Variants in EFR3B observed in about 807,000 individuals in gnomAD.
EFR3B encodes protein EFR3 homolog B.
EFR3B carries 64 observed loss-of-function variants against 104.7 expected under a neutral mutation model. The ratio of observed to expected loss-of-function variants is 0.61; its 90% CI spans 0.50 to 0.75. EFR3B has a LOEUF of 0.75. Ranked by LOEUF, EFR3B falls within the 30% of genes least tolerant of loss-of-function variation. The probability of loss-of-function intolerance (pLI) is 0.00; values close to 1 mark genes in which losing one functional copy is unlikely to be tolerated. For synonymous variants in EFR3B, 385 were observed against 417.9 expected (o/e 0.92, Z 0.96); for missense variants, 750 against 1,078.5 (o/e 0.70, Z 4.27).
At position 25,135,606 on chromosome 2, in the gene EFR3B, G is replaced by A. The variant is rs1157702710; in HGVS notation, c.1451G>A (p.Arg484His). The A allele has an allele frequency of 4.5e-6, 7 of 1,551,710 alleles. No individual in the cohort carries two copies. The highest frequency in any genetic ancestry group is 2.0e-5 in the Admixed American group (1 of 50,974). Residue 484 changes from arginine to histidine, a missense_variant, in exon 13 of 23, where the codon CGT (arginine) becomes CAT (histidine). Coordinates refer to ENST00000403714, the MANE Select transcript of EFR3B (RefSeq NM_014971.2). ...GAGATTCTCATCAGTTTCATTGATC[G>A]TCATGGCAACCGCCACAAGTTCTCT... The part of the protein sequence containing the change: ...VLEILISFID[R>H]HGNRHKFSTI...
At position 25,098,040 on chromosome 2, in the gene EFR3B, C is replaced by T. The variant is rs574590632; in HGVS notation, c.212+4910C>T. 1.1e-4 allele frequency among the ~76,000 whole-genome samples: 17 copies of T among 152,234 alleles called. No individual in the cohort carries two copies. In the South Asian group the frequency reaches 3.1e-3, roughly 28 times the overall value. On this transcript the variant is annotated intron_variant, in intron 3 of 22. Transcript: ENST00000403714. The stretch of plus-strand genomic sequence containing the variant: ...GTGGCCCTCCTAAGAGATACACATT[C>T]ACCAGAAGGACCCTGAACCTGACTG...
At chr2:25,143,674 G>T (rs1191737906) in intron 17 of EFR3B, 61 bp from the exon 18 acceptor site, 3 of 1,535,614 alleles carry the variant, frequency 2.0e-6, no homozygotes, top group Admixed American at 4.0e-5. Flanking sequence ...AAAAAAAATT[G>T]TTCAGAAGTC....
Position 25,051,781 on chromosome 2 carries a change from G to A in EFR3B, c.7+9462G>A, listed in dbSNP as rs375728194. On this transcript the variant is annotated intron_variant, in intron 1 of 22. Transcript: ENST00000403714. ...CTCCCGAGTAGCTGGGTTTGCAGGC[G>A]TGCACCACCACTCCTGCCTGGTTAG... is the stretch of plus-strand genomic sequence containing the variant. 5.3e-5 allele frequency among the ~76,000 whole-genome samples: 8 copies of A among 151,094 alleles called. No individual in the cohort carries two copies. In the East Asian group the frequency reaches 5.9e-4, roughly 11 times the overall value.
Position 25,153,237 on chromosome 2 carries a change from C to T in EFR3B, c.2299-475C>T, listed in dbSNP as rs141183773. Among the ~76,000 whole-genome samples, 1,057 of 152,158 alleles carry T rather than the reference C, an allele frequency of 6.9e-3. 11 individuals are homozygous for T. Among genetic ancestry groups the T allele is most frequent in the African/African-American group, 0.024 (996 of 41,502 alleles). ...GGCATGGTGGCAGGCACCTGTAATC[C>T]CAGCTACTCAGGAGGCTGAGTTGGG... is the stretch of plus-strand genomic sequence containing the variant. On this transcript the variant is annotated intron_variant, in intron 21 of 22. Transcript: ENST00000403714.
chr2:25,138,251 T>G (rs1473198600), intron 15 of EFR3B, among the ~76,000 whole-genome samples: 1 of 152,204 alleles, frequency 6.6e-6, no homozygotes, highest in African/African-American at 2.4e-5. Flanking sequence ...TTTGAGCACT[T>G]GTTTAAAGTG....
At chr2:25,081,318 T>G (rs1028499096) in intron 1 of EFR3B, 11 of 910,240 alleles carry the variant, frequency 1.2e-5, no homozygotes, top group African/African-American at 6.6e-5. Context: ...CATCTCAACT[T>G]CTTTTGAACC....
intron 1 of EFR3B, among the ~76,000 whole-genome samples, chr2:25,044,359 T>A (rs770356737): frequency 6.6e-6 from 1 of 152,142 alleles, no homozygotes; most frequent in Admixed American, 6.5e-5. Context: ...CTGACTTTCA[T>A]GAAAAGAAAG....
rs375143946 is a variant in EFR3B, at chr2:25,130,421, A to C, written c.771-131A>C. 1.1e-6 allele frequency: 1 copy of C among 878,402 alleles called. No homozygotes were observed. The highest frequency in any genetic ancestry group is 1.8e-6 in the Non-Finnish European group (1 of 542,648). The allele number at this position is 878,402 out of a possible 1,614,324, so 54.4% of individuals were successfully genotyped here. A position where few individuals can be genotyped will look rare whatever the true frequency, so the allele number is the denominator to read the frequency against. ...GACTGGGACTACCCCAAGGCCCTTC[A>C]GGCTTCACTTCCTCACCCGGGAACT... On this transcript the variant is annotated intron_variant, in intron 7 of 22. Transcript: ENST00000403714. The surrounding 1 kb of genome is among the most constrained non-coding windows in gnomAD (Gnocchi z 4.6).
intron 13 of EFR3B, among the ~76,000 whole-genome samples, 177 bp downstream of exon 13, chr2:25,135,816 C>T (rs1245558425): frequency 6.6e-6 from 1 of 152,126 alleles, no homozygotes; most frequent in East Asian, 1.9e-4. Context: ...TGATCACCAA[C>T]GTTGACCCTG....
At chr2:25,046,359 T>C (rs1191496991) in intron 1 of EFR3B, among the ~76,000 whole-genome samples, 7 of 151,910 alleles carry the variant, frequency 4.6e-5, no homozygotes, top group African/African-American at 1.5e-4. Flanking sequence ...CACTCCAGCC[T>C]GGGTGACAAA....
In EFR3B at chr2:25,072,561, C is replaced by T. The variant is rs1344274643; in HGVS notation, c.8-18764C>T. 2.0e-5 allele frequency among the ~76,000 whole-genome samples: 3 copies of T among 152,158 alleles called. 1 individual carries two copies. The highest frequency in any genetic ancestry group is 4.1e-4 in the South Asian group (2 of 4,834). ...CCTCCCAAAGTGCTAGGATTACAGG[C>T]GTGAGCCACTGCACCCAGCATCCTT... On this transcript the variant is annotated intron_variant, in intron 1 of 22. Transcript: ENST00000403714.
rs941886608 is a variant in EFR3B at position 25,143,789 on chromosome 2, G to A, written c.1977G>A (p.Lys659=). Residue 659 remains lysine, a synonymous_variant, in exon 18 of 23, where the codon AAG becomes AAA. Coordinates refer to ENST00000403714, the MANE Select transcript of EFR3B (RefSeq NM_014971.2). ...VVIELLFRQS[K]ISEVLGGSGY... is the part of the protein sequence containing the mutation. ...TTGAGCTCCTCTTCCGCCAGAGCAA[G>A]ATCAGTGAAGTCCTGGGAGGCAGTG... The A allele has an allele frequency of 6.4e-7, 1 of 1,551,656 alleles. No homozygotes were observed. Among genetic ancestry groups the A allele is most frequent in the East Asian group, 2.4e-5 (1 of 40,914 alleles).
At chr2:25,094,770 T>A (rs529402804) in intron 3 of EFR3B, among the ~76,000 whole-genome samples, 9 of 152,066 alleles carry the variant, frequency 5.9e-5, no homozygotes, top group African/African-American at 2.2e-4. Context: ...AAGAATCAAA[T>A]TTTTTATTAT....
At chr2:25,095,695 C>G (rs1669256908) in intron 3 of EFR3B, among the ~76,000 whole-genome samples, 1 of 152,004 alleles carries the variant, frequency 6.6e-6, no homozygotes, top group South Asian at 2.1e-4. Flanking sequence ...GACCCTGTCT[C>G]AAAAACAACA....
chr2:25,146,813 C>T (rs1333283544), intron 19 of EFR3B: 1 of 152,382 alleles, frequency 6.6e-6, no homozygotes, highest in Non-Finnish European at 1.5e-5. Context: ...AGTGCCAGTC[C>T]AGAGTCCCAC....
At chr2:25,088,025 C>G (rs1017673667) in intron 1 of EFR3B, among the ~76,000 whole-genome samples, 2 of 152,124 alleles carry the variant, frequency 1.3e-5, no homozygotes, top group Non-Finnish European at 2.9e-5. Context: ...GGATGTCCAG[C>G]TGATCCACCT....
Position 25,114,086 on chromosome 2 carries a change from A to G in EFR3B, c.364-7587A>G, listed in dbSNP as rs1278360549. On this transcript the variant is annotated intron_variant, in intron 4 of 22. Transcript: ENST00000403714. This position sits in a 1 kb window ranked among gnomAD's most constrained non-coding sequence, Gnocchi z 4.0. ...GGAGAGTCCCAACCTCATCTCAGCC[A>G]GACATTGGCACATTTCAAGGTGGAC... Among the ~76,000 whole-genome samples, 1 of 152,228 alleles carries G rather than the reference A, an allele frequency of 6.6e-6. No homozygotes were observed. Among genetic ancestry groups the G allele is most frequent in the African/African-American group, 2.4e-5 (1 of 41,460 alleles).
chr2:25,044,009 A>G lies in EFR3B; in HGVS notation c.7+1690A>G, dbSNP rs988613099. On this transcript the variant is annotated intron_variant, in intron 1 of 22. Coordinates refer to ENST00000403714, the MANE Select transcript of EFR3B (RefSeq NM_014971.2). ...GGGGGTCCCAGGCTGCCTCTGTTGT[A>G]TGAAGCAAGACAAGGAAGAGCTGGA... Among the ~76,000 whole-genome samples the G allele has an allele frequency of 2.0e-5, 3 of 152,372 alleles. No homozygotes were observed. The South Asian group carries it at 6.2e-4, about 32-fold the overall frequency.
chr2:25,147,043 C>G (rs1670837064), intron 19 of EFR3B: 1 of 152,560 alleles, frequency 6.6e-6, no homozygotes, highest in Admixed American at 6.5e-5. Flanking sequence ...CAGGCCTTTG[C>G]TAGTGCAGAA....
Sources: allele counts gnomAD v4.1 joint callset (sites outside exome capture counted in the v4.1 genomes callset), GRCh38; gene constraint gnomAD v4.1.1; non-coding constraint Gnocchi (gnomAD v3.1); transcripts MANE v1.5; gene names NCBI Gene and HGNC (gene_info 2026-07-23, HGNC 2026-07-21).